FARP1: variants seen among roughly 807,000 people sequenced by gnomAD.
FARP1 encodes the protein FERM, ARHGEF and pleckstrin domain-containing protein 1.
A neutral mutation model predicts 128.8 loss-of-function variants in FARP1; 52 were observed. That is an observed-to-expected ratio of 0.40 (90% CI 0.32 to 0.51). The LOEUF (loss-of-function observed/expected upper bound fraction) is 0.51. FARP1 is among the 20% of genes least tolerant of loss of function. The probability of loss-of-function intolerance (pLI) is 0.45; values close to 1 mark genes in which losing one functional copy is unlikely to be tolerated. For missense variants in FARP1, 1,333 were observed against 1,367.9 expected (o/e 0.97, Z 0.40); for synonymous variants, 580 against 551.8 (o/e 1.05, Z -0.72).
chr13:98,432,326 A>T (rs1233973481), intron 18 of FARP1: 1 of 152,280 alleles, frequency 6.6e-6, no homozygotes, highest in African/African-American at 2.4e-5. Flanking sequence ...CAATTGCATT[A>T]TCCCATTTTA....
At chr13:98,211,321 A>C (rs1880689352) in intron 1 of FARP1, among the ~76,000 whole-genome samples, 2 of 152,180 alleles carry the variant, frequency 1.3e-5, no homozygotes, top group Non-Finnish European at 1.5e-5. Context: ...TTAGATTCTC[A>C]TAGGAGCACA....
chr13:98,270,503 T>A (rs1480808619), intron 2 of FARP1, among the ~76,000 whole-genome samples: 6 of 152,212 alleles, frequency 3.9e-5, no homozygotes, highest in Admixed American at 1.3e-4. Context: ...GTATCTTCCT[T>A]GGGAGAATTC....
chr13:98,424,465 C>T, intron 16 of FARP1, 107 bp from the exon 17 acceptor site: 1 of 744,832 alleles, frequency 1.3e-6, no homozygotes, highest in South Asian at 1.5e-5. Context: ...CAGGAGATGT[C>T]CGGGGAGGGG....
chr13:98,424,749 C>A, intron 17 of FARP1, 99 bp downstream of exon 17: 1 of 814,722 alleles, frequency 1.2e-6, no homozygotes, highest in South Asian at 1.4e-5. Flanking sequence ...CAGCATGCAT[C>A]ACCTGATTTG....
intron 3 of FARP1, chr13:98,345,346 T>C (rs1228791037): frequency 1.3e-5 from 2 of 150,696 alleles, no homozygotes; most frequent in African/African-American, 4.9e-5. Context: ...TCTAAGAATT[T>C]CCCCATGTCT....
At chr13:98,365,025 T>C (rs1231953079) in intron 3 of FARP1, among the ~76,000 whole-genome samples, 1 of 152,248 alleles carries the variant, frequency 6.6e-6, no homozygotes. Flanking sequence ...CATCTATGTA[T>C]TCTGTTTCAA....
Position 98,365,384 on chromosome 13 carries a change from T to C in FARP1, c.277-11T>C. 6.2e-7 allele frequency: 1 copy of C among 1,605,534 alleles called. No individual in the cohort carries two copies. Among genetic ancestry groups the C allele is most frequent in the Non-Finnish European group, 8.5e-7 (1 of 1,172,470 alleles). On this transcript the variant is annotated splice_polypyrimidine_tract_variant and intron_variant, in intron 3 of 26. Coordinates refer to ENST00000319562, the MANE Select transcript of FARP1 (RefSeq NM_005766.4). ...AACTTAGGTCTTAATCTGTTCTTTT[T>C]TCCCTTCTAGGTGTGGCTGGATCTC...
chr13:98,277,150 C>CACACACA (rs1566824337), intron 2 of FARP1, among the ~76,000 whole-genome samples: 28 of 11,698 alleles, frequency 2.4e-3, no homozygotes, highest in African/African-American at 3.9e-3. Context: ...ACACACACAC[C>CACACACA]CCATATGTAT....
At chr13:98,281,224 G>C (rs1355604525) in intron 2 of FARP1, among the ~76,000 whole-genome samples, 3 of 152,094 alleles carry the variant, frequency 2.0e-5, no homozygotes, top group Admixed American at 1.3e-4. Context: ...GTGGTGGCAC[G>C]CACCTGTAAT....
chr13:98,445,782 T>TA, intron 24 of FARP1: 1 of 230,268 alleles, frequency 4.3e-6, no homozygotes, highest in Non-Finnish European at 8.7e-6. Context: ...TGATCTCGTC[T>TA]TCACTAGTTA....
chr13:98,368,189 T>A lies in FARP1; in HGVS notation c.392T>A (p.Leu131His). The change falls in exon 5 of 27, where the codon CTC becomes CAC. Residue 131 changes from leucine to histidine, a missense_variant. By Grantham distance (99) the Leu-to-His change is moderately conservative. Transcript: ENST00000319562. ...GACCACACACAACTCCAAGAAGAAC[T>A]CACAAGGTTAGTGGTTTGGAAACTG... The part of the protein sequence containing the change: ...PPDHTQLQEE[L>H]TRYLFALQVK... 6.2e-7 allele frequency: 1 copy of A among 1,612,762 alleles called. No homozygotes were observed. The highest frequency in any genetic ancestry group is 8.5e-7 in the Non-Finnish European group (1 of 1,178,746).
chr13:98,262,180 TA>T (rs1245161381), intron 2 of FARP1, among the ~76,000 whole-genome samples: 3 of 143,096 alleles, frequency 2.1e-5, no homozygotes, highest in African/African-American at 8.3e-5. Flanking sequence ...CGCGCCCTGC[TA>T]ATTTTTTTTT....
chr13:98,227,603 T>C (rs1881870104), intron 2 of FARP1, among the ~76,000 whole-genome samples: 1 of 152,188 alleles, frequency 6.6e-6, no homozygotes, highest in African/African-American at 2.4e-5. Context: ...TGCTGTATGA[T>C]CCAGCAATCC....
intron 16 of FARP1, among the ~76,000 whole-genome samples, chr13:98,420,993 C>T (rs1356591705): frequency 6.6e-6 from 1 of 152,168 alleles, no homozygotes. Context: ...CTGGGACTTG[C>T]TATGTGAGCT....
intron 2 of FARP1, among the ~76,000 whole-genome samples, chr13:98,241,823 G>A (rs112269691): frequency 0.02 from 2,983 of 152,220 alleles, 99 homozygotes; most frequent in African/African-American, 0.066. Context: ...GGAGGCTGAG[G>A]CAGGAGAATC....
chr13:98,297,958 G>A (rs530715614), intron 2 of FARP1, among the ~76,000 whole-genome samples: 1 of 152,294 alleles, frequency 6.6e-6, no homozygotes, highest in Non-Finnish European at 1.5e-5. Flanking sequence ...TATCTTGTTT[G>A]CCATCATCCT....
At chr13:98,336,064 CAGGT>C (rs1566892311) in intron 2 of FARP1, among the ~76,000 whole-genome samples, 1 of 152,104 alleles carries the variant, frequency 6.6e-6, no homozygotes, top group African/African-American at 2.4e-5. Context: ...TTAGCTCTCT[CAGGT>C]AGGGAATTAA....
intron 2 of FARP1, 133 bp from the exon 3 acceptor site, chr13:98,343,629 C>T: frequency 1.5e-6 from 1 of 675,834 alleles, no homozygotes; most frequent in Non-Finnish European, 2.7e-6. Context: ...TTCAGGGTGT[C>T]ACGGAGGTGG....
chr13:98,149,136 C>T (rs1220689226), intron 1 of FARP1, among the ~76,000 whole-genome samples: 1 of 152,190 alleles, frequency 6.6e-6, no homozygotes, highest in Admixed American at 6.5e-5. Context: ...GATCCTCCTG[C>T]CTCGGCCTCC....
Sources: gnomAD v4.1 joint callset for allele counts (sites outside exome capture counted in the v4.1 genomes callset) on GRCh38, gnomAD v4.1.1 for gene constraint, MANE v1.5 for transcripts, NCBI Gene and HGNC (gene_info 2026-07-23, HGNC 2026-07-21) for gene names.